Variants in RSU1 observed in about 807,000 individuals in gnomAD.
RSU1 encodes Ras suppressor protein 1, also known as rsu-1.
Under a neutral mutation model 31.1 loss-of-function variants are expected in RSU1, and 26 were observed. The observed-to-expected ratio is 0.84, with a 90% CI of 0.61 to 1.16. The LOEUF (loss-of-function observed/expected upper bound fraction) is 1.16, where lower values mean the gene tolerates loss of function less well. RSU1 is among the 50% of genes most tolerant of loss of function. The pLI, the probability that RSU1 is intolerant of heterozygous loss-of-function variation, is 0.00. For missense variants in RSU1, 320 were observed against 339.1 expected (o/e 0.94, Z 0.44); for synonymous variants, 164 against 136.3 (o/e 1.20, Z -1.41).
At chr10:16,727,188 T>C in intron 7 of RSU1, 1 of 456,098 alleles carries the variant, frequency 2.2e-6, no homozygotes, top group Non-Finnish European at 4.4e-6. Context: ...GACTTCAGAG[T>C]GGACTCACCT....
intron 8 of RSU1, among the ~76,000 whole-genome samples, chr10:16,615,148 C>T (rs1366086469): frequency 6.6e-6 from 1 of 150,886 alleles, no homozygotes; most frequent in Non-Finnish European, 1.5e-5. Context: ...ATCTCACGTG[C>T]AAAGACAAAC....
chr10:16,764,307 A>G, intron 4 of RSU1, 83 bp downstream of exon 4: 1 of 1,400,452 alleles, frequency 7.1e-7, no homozygotes, highest in Non-Finnish European at 9.5e-7. Context: ...GCAATAATAT[A>G]AAAGGAATCC....
chr10:16,804,089 C>G (rs753787055), intron 2 of RSU1, among the ~76,000 whole-genome samples: 17 of 152,040 alleles, frequency 1.1e-4, no homozygotes, highest in Non-Finnish European at 2.5e-4. Flanking sequence ...TGATAAAGAA[C>G]TAGTATCCAA....
intron 8 of RSU1, among the ~76,000 whole-genome samples, chr10:16,645,873 T>TTCCAGAA (rs1564298111): frequency 8.7e-6 from 1 of 115,234 alleles, no homozygotes; most frequent in African/African-American, 4.3e-5. Flanking sequence ...TATATATACA[T>TTCCAGAA]ATATGTGTAT....
intron 2 of RSU1, among the ~76,000 whole-genome samples, chr10:16,786,657 C>A (rs1405584101): frequency 6.6e-6 from 1 of 152,120 alleles, no homozygotes; most frequent in Non-Finnish European, 1.5e-5. Flanking sequence ...TTTAAACACC[C>A]TACGTTCACC....
intron 8 of RSU1, among the ~76,000 whole-genome samples, chr10:16,632,346 T>TA (rs1386939691): frequency 6.6e-6 from 1 of 152,158 alleles, no homozygotes; most frequent in East Asian, 1.9e-4. Flanking sequence ...CAAGGCCTTT[T>TA]AAAACTCTTT....
At chr10:16,801,033 T>C (rs1207686894) in intron 2 of RSU1, among the ~76,000 whole-genome samples, 1 of 151,346 alleles carries the variant, frequency 6.6e-6, no homozygotes, top group Non-Finnish European at 1.5e-5. Flanking sequence ...TAATATCAAT[T>C]ATCACATTAG....
intron 8 of RSU1, among the ~76,000 whole-genome samples, chr10:16,684,935 G>A (rs922402150): frequency 3.9e-5 from 6 of 152,284 alleles, no homozygotes; most frequent in Admixed American, 2.6e-4. Flanking sequence ...GACAATGACA[G>A]TATTGTATAT....
intron 8 of RSU1, among the ~76,000 whole-genome samples, chr10:16,643,899 T>TG (rs1035527185): frequency 1.3e-4 from 20 of 151,358 alleles, no homozygotes; most frequent in Admixed American, 1.3e-3. Context: ...AGATTTTTTT[T>TG]TTTAAAAAAA....
At chr10:16,661,154 G>A (rs746475072) in intron 8 of RSU1, among the ~76,000 whole-genome samples, 13 of 152,048 alleles carry the variant, frequency 8.5e-5, no homozygotes, top group Non-Finnish European at 1.6e-4. Context: ...GCACCCCAAT[G>A]TTATAAGGCA....
chr10:16,595,585 T>C (rs954004538), intron 8 of RSU1, among the ~76,000 whole-genome samples: 6 of 152,152 alleles, frequency 3.9e-5, no homozygotes, highest in South Asian at 2.1e-4. Context: ...AGCCTGCAAA[T>C]TGGCTTTCCA....
chr10:16,643,974 G>T (rs1201271002), intron 8 of RSU1, among the ~76,000 whole-genome samples: 3 of 152,024 alleles, frequency 2.0e-5, no homozygotes, highest in African/African-American at 7.2e-5. Context: ...ATCATATTGG[G>T]TATTACAAGT....
In RSU1 at chr10:16,752,648, G is replaced by A; in HGVS notation, c.489C>T (p.Ser163=). Residue 163 remains serine, a synonymous_variant, in exon 7 of 9, where the codon AGC becomes AGT. Transcript: ENST00000345264. ...GCGAGATCAGGTCGTTATCCCTAAGGCTGAGCTAAACAGAAGAAAACAAGT... is the reference window on the plus strand; with the variant it reads ...GCGAGATCAGGTCGTTATCCCTAAGACTGAGCTAAACAGAAGAAAACAAGT... ...IGKLTKLQIL[S]LRDNDLISLP... 1 of 1,611,616 alleles carries A rather than the reference G, an allele frequency of 6.2e-7. No individual in the cohort carries two copies. The highest frequency in any genetic ancestry group is 8.5e-7 in the Non-Finnish European group (1 of 1,177,912).
At chr10:16,687,313 T>A (rs944696410) in intron 8 of RSU1, among the ~76,000 whole-genome samples, 1 of 152,104 alleles carries the variant, frequency 6.6e-6, no homozygotes, top group African/African-American at 2.4e-5. Flanking sequence ...AATCCAAGTG[T>A]CCTGGAAATA....
chr10:16,652,559 A>AAC (rs754335619), intron 8 of RSU1, among the ~76,000 whole-genome samples: 57 of 151,284 alleles, frequency 3.8e-4, no homozygotes, highest in South Asian at 8.3e-4. Context: ...TATACACACA[A>AAC]ACACACACAC....
intron 8 of RSU1, among the ~76,000 whole-genome samples, chr10:16,657,099 T>G (rs1457384970): frequency 6.6e-6 from 1 of 152,218 alleles, no homozygotes; most frequent in African/African-American, 2.4e-5. Flanking sequence ...GAATGACACA[T>G]GCACATGCTT....
At chr10:16,705,235 A>G (rs1296469440) in intron 7 of RSU1, among the ~76,000 whole-genome samples, 2 of 152,158 alleles carry the variant, frequency 1.3e-5, no homozygotes, top group Admixed American at 6.5e-5. Context: ...TCCACTGTAT[A>G]TACAGTCATC....
intron 8 of RSU1, among the ~76,000 whole-genome samples, chr10:16,642,746 C>T (rs1024332454): frequency 2.6e-5 from 4 of 152,112 alleles, no homozygotes; most frequent in African/African-American, 9.7e-5. Context: ...GACTAACCAC[C>T]GCATCAAACA....
chr10:16,643,018 A>G lies in RSU1; in HGVS notation c.732-49522T>C, dbSNP rs184173731. ...CAAGTGTTTACTGCTTACTTTACTT[A>G]GGAGACAAAAAAAATTAATATTTTC... is the stretch of plus-strand genomic sequence containing the variant. On this transcript the variant is annotated intron_variant, in intron 8 of 8. Coordinates refer to ENST00000345264, the MANE Select transcript of RSU1 (RefSeq NM_012425.4). 1.5e-4 allele frequency among the ~76,000 whole-genome samples: 23 copies of G among 152,350 alleles called. 1 individual carries two copies. The East Asian group carries it at 4.4e-3, about 29-fold the overall frequency.
Sources: gnomAD v4.1 joint callset for allele counts (sites outside exome capture counted in the v4.1 genomes callset) on GRCh38, gnomAD v4.1.1 for gene constraint, MANE v1.5 for transcripts, NCBI Gene and HGNC (gene_info 2026-07-23, HGNC 2026-07-21) for gene names.